Variants in DSCAM observed in about 807,000 individuals in gnomAD.
The protein encoded by DSCAM is DS cell adhesion molecule, also known as cell adhesion molecule DSCAM.
Under a neutral mutation model 217.7 loss-of-function variants are expected in DSCAM, and 47 were observed. The observed-to-expected ratio is 0.22, with a 90% CI of 0.17 to 0.28. DSCAM has a LOEUF of 0.28. DSCAM is among the 10% of genes least tolerant of loss of function. The pLI is 1.00. For missense variants in DSCAM, 2,080 were observed against 2,618.3 expected (o/e 0.79, Z 4.49); for synonymous variants, 1,056 against 1,015.3 (o/e 1.04, Z -0.76).
Position 40,550,915 on chromosome 21 carries a change from T to C in DSCAM, c.508+141895A>G, listed in dbSNP as rs530953433. On this transcript the variant is annotated intron_variant, in intron 3 of 32. Coordinates refer to ENST00000400454, the MANE Select transcript of DSCAM (RefSeq NM_001389.5). ...AGTTTGAATAGTTGGATGCAAGTGA[T>C]TGGCTGAAACTGGGATGCTGTGATT... Among the ~76,000 whole-genome samples, 148 of 152,304 alleles carry C rather than the reference T, an allele frequency of 9.7e-4. 1 individual carries two copies. The highest frequency in any genetic ancestry group is 2.6e-3 in the Admixed American group (40 of 15,310).
At position 40,080,281 on chromosome 21, in the gene DSCAM, G is replaced by T; in HGVS notation, c.4291C>A (p.Pro1431Thr). The change falls in exon 25 of 33, where the codon CCC becomes ACC. Residue 1431 changes from proline (P) to threonine (T), a missense_variant. Coordinates refer to ENST00000400454, the MANE Select transcript of DSCAM (RefSeq NM_001389.5). The part of the protein sequence containing the change: ...SEQWGSFPIS[P>T]SERSYRLENL... ...TCCAAGCGATAGGAACGTTCGCTGGGGCTGATTGGAAAACTCCCCCACTGC... is the reference window on the plus strand; with the variant it reads ...TCCAAGCGATAGGAACGTTCGCTGGTGCTGATTGGAAAACTCCCCCACTGC... 1 of 1,613,422 alleles carries T rather than the reference G, an allele frequency of 6.2e-7. No homozygotes were observed. The highest frequency in any genetic ancestry group is 8.5e-7 in the Non-Finnish European group (1 of 1,179,906).
intron 3 of DSCAM, among the ~76,000 whole-genome samples, chr21:40,692,436 T>C (rs562641976): frequency 5.3e-5 from 8 of 152,330 alleles, no homozygotes; most frequent in Admixed American, 4.6e-4. Flanking sequence ...GCTTCCATTT[T>C]CCAGATTTTA....
At chr21:40,396,318 C>T (rs1282639065) in intron 3 of DSCAM, among the ~76,000 whole-genome samples, 2 of 152,130 alleles carry the variant, frequency 1.3e-5, no homozygotes, top group South Asian at 2.1e-4. Flanking sequence ...GATTCTTCAC[C>T]ATCACGCCAA....
intron 3 of DSCAM, among the ~76,000 whole-genome samples, chr21:40,519,876 G>A (rs1272986460): frequency 2.0e-5 from 3 of 151,866 alleles, no homozygotes; most frequent in Non-Finnish European, 4.4e-5. Context: ...GTGTGTGTGT[G>A]TGTCCATACA....
At chr21:40,780,447 A>ATATATATATATATATATC (rs1308722522) in intron 1 of DSCAM, among the ~76,000 whole-genome samples, 1 of 141,552 alleles carries the variant, frequency 7.1e-6, no homozygotes, top group African/African-American at 2.5e-5. Context: ...ATATATATAT[A>ATATATATATATATATATC]TCTCCTGTTA....
intron 18 of DSCAM, among the ~76,000 whole-genome samples, chr21:40,134,285 C>T (rs777035388): frequency 5.3e-5 from 8 of 152,124 alleles, no homozygotes; most frequent in Non-Finnish European, 8.8e-5. Context: ...TAAGTGTTAT[C>T]AACCCAAGGC....
intron 8 of DSCAM, among the ~76,000 whole-genome samples, chr21:40,323,942 A>G (rs2074287790): frequency 6.6e-6 from 1 of 151,922 alleles, no homozygotes; most frequent in African/African-American, 2.4e-5. Context: ...CATCTCTGCT[A>G]AAAATACAAA....
intron 2 of DSCAM, among the ~76,000 whole-genome samples, chr21:40,694,963 G>GGAGAAA (rs1276641970): frequency 7.2e-5 from 11 of 152,158 alleles, no homozygotes; most frequent in Non-Finnish European, 1.2e-4. Context: ...GGAGGACAGA[G>GGAGAAA]GAGAAAGAGG....
At chr21:40,290,215 A>G (rs1330840698) in intron 10 of DSCAM, among the ~76,000 whole-genome samples, 1 of 152,218 alleles carries the variant, frequency 6.6e-6, no homozygotes, top group African/African-American at 2.4e-5. Context: ...TAGAGATACA[A>G]TTCATGGGAA....
intron 11 of DSCAM, among the ~76,000 whole-genome samples, chr21:40,238,869 T>C (rs1882758): frequency 0.55 from 84,156 of 151,976 alleles, 25,196 homozygotes; most frequent in African/African-American, 0.8. Flanking sequence ...GCCCTTCTCA[T>C]CTGAATCTGA....
intron 3 of DSCAM, among the ~76,000 whole-genome samples, chr21:40,663,067 G>GTGAC (rs2090156879): frequency 1.0e-4 from 1 of 9,868 alleles, no homozygotes; most frequent in Admixed American, 2.6e-3. Flanking sequence ...GTGCGCACCT[G>GTGAC]TGTGTATGCC....
At chr21:40,320,354 ATTCT>A (rs2123518631) in intron 8 of DSCAM, among the ~76,000 whole-genome samples, 1 of 152,308 alleles carries the variant, frequency 6.6e-6, no homozygotes, top group South Asian at 2.1e-4. Context: ...ATATAGAATT[ATTCT>A]TTATTTTACA....
Position 40,144,769 on chromosome 21 carries a change from G to C in DSCAM, c.3019-38C>G, listed in dbSNP as rs1455713113. On this transcript the variant is annotated intron_variant, in intron 16 of 32. Coordinates refer to ENST00000400454, the MANE Select transcript of DSCAM (RefSeq NM_001389.5). The surrounding 1 kb of genome is among the most constrained non-coding windows in gnomAD (Gnocchi z 4.8). ...GAAAAGAACACACTAAAGAAGTCTT[G>C]AGGTAGGACAAGAGCGAAATCAACG... The C allele has an allele frequency of 1.2e-6, 2 of 1,611,588 alleles. No individual in the cohort carries two copies. Among genetic ancestry groups the C allele is most frequent in the African/African-American group, 1.3e-5 (1 of 74,874 alleles).
intron 3 of DSCAM, among the ~76,000 whole-genome samples, chr21:40,467,419 G>A (rs1313291488): frequency 3.3e-5 from 5 of 152,190 alleles, no homozygotes; most frequent in African/African-American, 1.2e-4. Context: ...ATCTGCAGAA[G>A]TTTTCAAATG....
intron 1 of DSCAM, among the ~76,000 whole-genome samples, chr21:40,771,193 T>A (rs1333040651): frequency 6.6e-6 from 1 of 152,180 alleles, no homozygotes; most frequent in Non-Finnish European, 1.5e-5. Flanking sequence ...GAAAGCCACT[T>A]AAGGGCACGA....
rs541022989 is a variant in DSCAM, at chr21:40,031,367, G to A, written c.5686+11004C>T. On this transcript the variant is annotated intron_variant, in intron 32 of 32. Transcript: ENST00000400454. ...CGTTCACTGCATCTCAGACAGACCCGGTTAAAACACAAATATACGACACTC... is the reference window on the plus strand; with the variant it reads ...CGTTCACTGCATCTCAGACAGACCCAGTTAAAACACAAATATACGACACTC... Among the ~76,000 whole-genome samples, 20 of 152,170 alleles carry A rather than the reference G, an allele frequency of 1.3e-4. No homozygotes were observed. The South Asian group carries it at 3.1e-3, about 24-fold the overall frequency.
chr21:40,068,496 C>T (rs187100827), intron 27 of DSCAM, among the ~76,000 whole-genome samples: 4 of 152,126 alleles, frequency 2.6e-5, no homozygotes, highest in East Asian at 1.9e-4. Context: ...TAGTGAATAT[C>T]GAAATACAAA....
chr21:40,249,237 T>A (rs1456234649), intron 11 of DSCAM, among the ~76,000 whole-genome samples: 1 of 152,200 alleles, frequency 6.6e-6, no homozygotes, highest in African/African-American at 2.4e-5. Flanking sequence ...CCAAATCTCA[T>A]CTTGAATTGT....
At chr21:40,608,756 C>A (rs1267533258) in intron 3 of DSCAM, among the ~76,000 whole-genome samples, 2 of 152,022 alleles carry the variant, frequency 1.3e-5, no homozygotes, top group African/African-American at 4.8e-5. Flanking sequence ...TAAATAAATT[C>A]ACATATTTAG....
Sources: gnomAD v4.1 joint callset for allele counts (sites outside exome capture counted in the v4.1 genomes callset) on GRCh38, gnomAD v4.1.1 for gene constraint, Gnocchi (gnomAD v3.1) non-coding constraint, MANE v1.5 for transcripts, NCBI Gene and HGNC (gene_info 2026-07-23, HGNC 2026-07-21) for gene names.